Variants in FARP1 observed in about 807,000 individuals in gnomAD.
FARP1 encodes the protein FERM, ARH/RhoGEF and pleckstrin domain protein 1, also known as FERM, ARHGEF and pleckstrin domain-containing protein 1.
Under a neutral mutation model 128.8 loss-of-function variants are expected in FARP1, and 52 were observed. The observed-to-expected ratio is 0.40, with a 90% confidence interval of 0.32 to 0.51. The LOEUF is 0.51. FARP1 is among the 20% of genes least tolerant of loss of function. FARP1 has a pLI of 0.45. For missense variants in FARP1, 1,333 were observed against 1,367.9 expected (o/e 0.97, Z 0.40); for synonymous variants, 580 against 551.8 (o/e 1.05, Z -0.72).
chr13:98,274,155 A>G (rs1022871253), intron 2 of FARP1, among the ~76,000 whole-genome samples: 7 of 152,052 alleles, frequency 4.6e-5, no homozygotes, highest in Admixed American at 1.3e-4. Flanking sequence ...ATTCAGATGT[A>G]CCTGTAGGCC....
chr13:98,311,638 A>G (rs894441014), intron 2 of FARP1, among the ~76,000 whole-genome samples: 1 of 151,960 alleles, frequency 6.6e-6, no homozygotes, highest in Non-Finnish European at 1.5e-5. Flanking sequence ...TCCCAGCCGT[A>G]TTCTGGTTGG....
intron 2 of FARP1, chr13:98,332,742 A>G (rs1887564577): frequency 6.6e-6 from 1 of 152,240 alleles, no homozygotes; most frequent in Non-Finnish European, 1.5e-5. Flanking sequence ...AAGTGTCTGT[A>G]AACAGAATAA....
At chr13:98,173,293 A>G (rs141030458) in intron 1 of FARP1, among the ~76,000 whole-genome samples, 18 of 152,370 alleles carry the variant, frequency 1.2e-4, no homozygotes, top group African/African-American at 4.1e-4. Context: ...AAAAGTCAAC[A>G]GCAAAATGTC....
Position 98,304,312 on chromosome 13 carries a change from GTTTATC to G in FARP1, c.172-39444_172-39439del, listed in dbSNP as rs558980549. Reference sequence around the variant, plus strand: ...TGTTTTTACCCATATTTACTAGGGAGTTTATCTTTATGATTTTCATTCATCTAAGAA... The same window carrying G: ...TGTTTTTACCCATATTTACTAGGGAGTTTATGATTTTCATTCATCTAAGAA... On this transcript the variant is annotated intron_variant, in intron 2 of 26. Coordinates refer to ENST00000319562, the MANE Select transcript of FARP1 (RefSeq NM_005766.4). Among the ~76,000 whole-genome samples, 22 of 152,298 alleles carry G rather than the reference GTTTATC, an allele frequency of 1.4e-4. No homozygotes were observed. In the East Asian group the frequency reaches 3.7e-3, roughly 25 times the overall value.
intron 2 of FARP1, among the ~76,000 whole-genome samples, chr13:98,342,267 A>G (rs978581835): frequency 1.3e-5 from 2 of 152,256 alleles, no homozygotes; most frequent in Non-Finnish European, 2.9e-5. Context: ...TGAAAACTTA[A>G]TGTCCACATA....
At chr13:98,361,181 A>G (rs1888858025) in intron 3 of FARP1, among the ~76,000 whole-genome samples, 1 of 152,074 alleles carries the variant, frequency 6.6e-6, no homozygotes, top group Admixed American at 6.6e-5. Flanking sequence ...CTTCTCCCTC[A>G]GCTCTGCAAT....
intron 2 of FARP1, among the ~76,000 whole-genome samples, chr13:98,252,624 C>T (rs972832497): frequency 6.6e-6 from 1 of 152,126 alleles, no homozygotes; most frequent in African/African-American, 2.4e-5. Context: ...TAGAATGTGC[C>T]CTCCAAAATG....
chr13:98,326,238 G>A (rs765834620), intron 2 of FARP1, among the ~76,000 whole-genome samples: 5 of 152,186 alleles, frequency 3.3e-5, no homozygotes, highest in East Asian at 1.9e-4. Flanking sequence ...CTATAATATC[G>A]TTCTGGAAAC....
chr13:98,318,769 C>G (rs1886855040), intron 2 of FARP1, among the ~76,000 whole-genome samples: 1 of 152,194 alleles, frequency 6.6e-6, no homozygotes, highest in Admixed American at 6.5e-5. Flanking sequence ...TCTGGAGCTC[C>G]TGGCCCCTCC....
intron 2 of FARP1, among the ~76,000 whole-genome samples, chr13:98,336,518 C>T (rs764540284): frequency 3.3e-5 from 5 of 152,148 alleles, no homozygotes; most frequent in East Asian, 1.9e-4. Flanking sequence ...GTGATTCACC[C>T]GCCTTGGCCT....
chr13:98,277,471 TATTA>T (rs1566824601), intron 2 of FARP1, among the ~76,000 whole-genome samples: 1 of 152,204 alleles, frequency 6.6e-6, no homozygotes, highest in African/African-American at 2.4e-5. Context: ...GAAAGAAATA[TATTA>T]ATTAACATCT....
At chr13:98,421,866 A>C (rs537028600) in intron 16 of FARP1, among the ~76,000 whole-genome samples, 1 of 152,060 alleles carries the variant, frequency 6.6e-6, no homozygotes, top group East Asian at 1.9e-4. Context: ...AAAAAAAAAA[A>C]ATTTTTTTTA....
chr13:98,376,295 T>A (rs1381285636), intron 5 of FARP1, among the ~76,000 whole-genome samples: 3 of 152,214 alleles, frequency 2.0e-5, no homozygotes, highest in Non-Finnish European at 4.4e-5. Context: ...CAGCCTCTGG[T>A]AACTTCATTC....
chr13:98,152,065 C>T (rs1296279653), intron 1 of FARP1, among the ~76,000 whole-genome samples: 1 of 152,142 alleles, frequency 6.6e-6, no homozygotes, highest in East Asian at 1.9e-4. Context: ...GAATGTCTGA[C>T]TAATAGCAGT....
rs367770154 is a variant in FARP1 at position 98,351,696 on chromosome 13, A to C, written c.276+7830A>C. On this transcript the variant is annotated intron_variant, in intron 3 of 26. Transcript: ENST00000319562. ...GGCTCTATAAGCATGGTGAGGCCTC[A>C]GGAAGTTTTTACTCATGGCAGAAGG... Among the ~76,000 whole-genome samples the C allele has an allele frequency of 7.2e-5, 11 of 152,060 alleles. No homozygotes were observed. The East Asian group carries it at 7.7e-4, about 11-fold the overall frequency.
chr13:98,186,794 G>A (rs1878904609), intron 1 of FARP1, among the ~76,000 whole-genome samples: 1 of 151,580 alleles, frequency 6.6e-6, no homozygotes. Flanking sequence ...GAGTTCAAGA[G>A]TAGCCTGGCC....
chr13:98,362,317 GT>G (rs1888905833), intron 3 of FARP1, among the ~76,000 whole-genome samples: 1 of 152,176 alleles, frequency 6.6e-6, no homozygotes, highest in South Asian at 2.1e-4. Context: ...CCCCCATTCT[GT>G]TGCCTCTTGC....
At chr13:98,194,062 G>C (rs1049173162) in intron 1 of FARP1, among the ~76,000 whole-genome samples, 7 of 151,800 alleles carry the variant, frequency 4.6e-5, no homozygotes, top group Admixed American at 4.6e-4. Flanking sequence ...CTGAAAATTT[G>C]TATATGAATA....
intron 2 of FARP1, among the ~76,000 whole-genome samples, chr13:98,281,384 A>G (rs970231098): frequency 3.4e-5 from 5 of 149,184 alleles, no homozygotes; most frequent in African/African-American, 9.9e-5. Flanking sequence ...AAAAAAAAAA[A>G]GTTCCTTTCA....
Sources: allele counts gnomAD v4.1 joint callset (sites outside exome capture counted in the v4.1 genomes callset), GRCh38; gene constraint gnomAD v4.1.1; transcripts MANE v1.5; gene names NCBI Gene and HGNC (gene_info 2026-07-23, HGNC 2026-07-21).